The following GRIK3 variants were observed in gnomAD, a reference collection of about 807,000 sequenced individuals.
The protein encoded by GRIK3 is glutamate receptor ionotropic, kainate 3.
Under a neutral mutation model 102.5 loss-of-function variants are expected in GRIK3, and 29 were observed. The ratio of observed to expected loss-of-function variants is 0.28; its 90% CI spans 0.21 to 0.39. The LOEUF (loss-of-function observed/expected upper bound fraction) is 0.39. Among genes scored for constraint, GRIK3 ranks in the 10% least tolerant of loss-of-function variants. The pLI, the probability that GRIK3 is intolerant of heterozygous loss-of-function variation, is 1.00. For synonymous variants in GRIK3, 511 were observed against 504.9 expected, an observed-to-expected ratio of 1.01 and a Z score of -0.16; for missense variants, 908 against 1,252.4, an observed-to-expected ratio of 0.73 and a Z score of 4.15.
intron 7 of GRIK3, among the ~76,000 whole-genome samples, chr1:36,854,116 G>A (rs769029640): frequency 3.3e-5 from 5 of 152,332 alleles, no homozygotes; most frequent in Admixed American, 1.3e-4. Flanking sequence ...GGCCTTGGCT[G>A]TAGAACCAGA....
At chr1:36,851,901 G>A (rs1318172139) in intron 8 of GRIK3, among the ~76,000 whole-genome samples, 1 of 152,238 alleles carries the variant, frequency 6.6e-6, no homozygotes, top group Non-Finnish European at 1.5e-5. Context: ...GTGGGAAGTA[G>A]TGGCATATGT....
At chr1:36,883,482 C>A (rs1397473596) in intron 2 of GRIK3, among the ~76,000 whole-genome samples, 1 of 152,220 alleles carries the variant, frequency 6.6e-6, no homozygotes, top group East Asian at 1.9e-4. Context: ...ACCCTTAGGG[C>A]CTAAAAGTGC....
chr1:36,989,100 C>A (rs554353263), intron 1 of GRIK3, among the ~76,000 whole-genome samples: 72 of 152,224 alleles, frequency 4.7e-4, no homozygotes, highest in African/African-American at 1.7e-3. Flanking sequence ...AGGCTCACGC[C>A]CCACTCCCCT....
intron 1 of GRIK3, among the ~76,000 whole-genome samples, chr1:37,006,229 A>T (rs951332678): frequency 6.6e-6 from 1 of 152,196 alleles, no homozygotes; most frequent in East Asian, 1.9e-4. Context: ...TAGACCTTGG[A>T]GGGCAGACTC....
rs758789670 is a variant in GRIK3, at chr1:36,805,160, T to C, written c.2392A>G (p.Lys798Glu). 6.2e-7 allele frequency: 1 copy of C among 1,614,044 alleles called. No homozygotes were observed. The highest frequency in any genetic ancestry group is 1.1e-5 in the South Asian group (1 of 91,072). ...EEDKLHIMKE[K>E]WWRGSGCPEE... is the part of the protein sequence containing the mutation. ...GGACACCCGCTGCCCCGCCACCACTTCTCCTTCATGATATGCAGCTTGTCC... is the reference window on the plus strand; with the variant it reads ...GGACACCCGCTGCCCCGCCACCACTCCTCCTTCATGATATGCAGCTTGTCC... The change falls in exon 15 of 16, where the codon AAG becomes GAG. Residue 798 changes from lysine to glutamate, a missense_variant. Lys to Glu is a moderately conservative substitution (Grantham distance 56). Transcript: ENST00000373091.
intron 3 of GRIK3, among the ~76,000 whole-genome samples, chr1:36,874,493 A>G (rs1447545049): frequency 6.6e-6 from 1 of 152,116 alleles, no homozygotes; most frequent in Non-Finnish European, 1.5e-5. Flanking sequence ...CTAATACCAG[A>G]CTTGATGGGG....
In GRIK3 at chr1:36,942,750, A is replaced by G. The variant is rs368840862; in HGVS notation, c.116-51654T>C. Among the ~76,000 whole-genome samples the G allele has an allele frequency of 6.2e-4, 94 of 151,614 alleles. 1 individual carries two copies. Among genetic ancestry groups the G allele is most frequent in the African/African-American group, 2.0e-3 (82 of 41,336 alleles). On this transcript the variant is annotated intron_variant, in intron 1 of 15. Transcript: ENST00000373091. The stretch of plus-strand genomic sequence containing the variant: ...CCTTGCCTGTAGCTGGAGGGGAACT[A>G]GGAAGTCAGGGGCCAAACCCCGCCC...
At chr1:36,908,778 GGTGTGT>G (rs56228690) in intron 1 of GRIK3, among the ~76,000 whole-genome samples, 11 of 147,104 alleles carry the variant, frequency 7.5e-5, no homozygotes, top group African/African-American at 2.0e-4. Context: ...AATGGGATAG[GGTGTGT>G]GTGTGTGTGT....
At chr1:36,919,072 T>A (rs976598946) in intron 1 of GRIK3, among the ~76,000 whole-genome samples, 8 of 152,198 alleles carry the variant, frequency 5.3e-5, no homozygotes, top group African/African-American at 1.9e-4. Flanking sequence ...AGGGGACTGT[T>A]TTTATGGCTT....
chr1:36,830,810 CAAAA>C (rs948901521), intron 10 of GRIK3, among the ~76,000 whole-genome samples: 181 of 41,314 alleles, frequency 4.4e-3, no homozygotes, highest in African/African-American at 0.012. Flanking sequence ...GACTCTGTCT[CAAAA>C]AAAAAAAAAA....
At chr1:36,879,465 C>T (rs770667492) in intron 3 of GRIK3, among the ~76,000 whole-genome samples, 1 of 152,170 alleles carries the variant, frequency 6.6e-6, no homozygotes, top group Non-Finnish European at 1.5e-5. Context: ...TGCACTCTAG[C>T]CTGGGTGACA....
At chr1:36,991,380 C>G (rs1181655440) in intron 1 of GRIK3, among the ~76,000 whole-genome samples, 1 of 152,212 alleles carries the variant, frequency 6.6e-6, no homozygotes, top group Admixed American at 6.5e-5. Context: ...CTGCATTTCA[C>G]AGGGCCAGAG....
intron 10 of GRIK3, among the ~76,000 whole-genome samples, chr1:36,832,102 C>T (rs1432121013): frequency 6.6e-6 from 1 of 151,916 alleles, no homozygotes; most frequent in Non-Finnish European, 1.5e-5. Context: ...TCTCATCGCA[C>T]CAGGCACTTG....
At chr1:36,853,794 C>A (rs966843410) in intron 7 of GRIK3, 72 bp from the exon 8 acceptor site, 37 of 851,706 alleles carry the variant, frequency 4.3e-5, no homozygotes, top group Non-Finnish European at 7.2e-5. Flanking sequence ...CTGTACAATG[C>A]TTCATTTTAA....
chr1:36,920,717 A>C (rs1641457459), intron 1 of GRIK3, among the ~76,000 whole-genome samples: 2 of 152,200 alleles, frequency 1.3e-5, no homozygotes, highest in Admixed American at 1.3e-4. Context: ...GTGCCCCTCC[A>C]GAAGGGAGCT....
At chr1:36,899,127 A>G (rs954188550) in intron 1 of GRIK3, among the ~76,000 whole-genome samples, 7 of 152,186 alleles carry the variant, frequency 4.6e-5, no homozygotes, top group Non-Finnish European at 1.5e-5. Flanking sequence ...ATTTGGCAAC[A>G]ATCTCTTGGA....
intron 2 of GRIK3, among the ~76,000 whole-genome samples, chr1:36,885,669 G>A (rs1292704848): frequency 6.6e-6 from 1 of 152,126 alleles, no homozygotes; most frequent in Non-Finnish European, 1.5e-5. Context: ...CACCCTCTGA[G>A]GACTTCCCAG....
chr1:36,976,025 A>C (rs149733071), intron 1 of GRIK3, among the ~76,000 whole-genome samples: 12 of 152,364 alleles, frequency 7.9e-5, no homozygotes, highest in Non-Finnish European at 1.6e-4. Context: ...AAGCAAAAGA[A>C]GCAGAAGAGC....
intron 1 of GRIK3, among the ~76,000 whole-genome samples, chr1:37,022,903 T>C (rs1232448500): frequency 6.6e-6 from 1 of 152,178 alleles, no homozygotes; most frequent in Non-Finnish European, 1.5e-5. Context: ...AGAATTATAA[T>C]ACAGCAAGTG....
Sources: gnomAD v4.1 joint callset for allele counts (sites outside exome capture counted in the v4.1 genomes callset) on GRCh38, gnomAD v4.1.1 for gene constraint, MANE v1.5 for transcripts, NCBI Gene and HGNC (gene_info 2026-07-23, HGNC 2026-07-21) for gene names.